ABCA7: variants seen among roughly 807,000 people sequenced by gnomAD.
ABCA7 encodes ATP binding cassette subfamily A member 7, also known as phospholipid-transporting ATPase ABCA7.
A neutral mutation model predicts 227.6 loss-of-function variants in ABCA7; 261 were observed. The ratio of observed to expected loss-of-function variants is 1.15; its 90% CI spans 1.04 to 1.27. The LOEUF (loss-of-function observed/expected upper bound fraction) is 1.27. ABCA7 is among the 50% of genes most tolerant of loss of function. The pLI, the probability that ABCA7 is intolerant of heterozygous loss-of-function variation, is 0.00. For missense variants in ABCA7, 3,331 were observed against 2,924.5 expected (o/e 1.14, Z -3.21); for synonymous variants, 1,488 against 1,279.7 (o/e 1.16, Z -3.47).
intron 35 of ABCA7, 114 bp downstream of exon 35, chr19:1,057,543 G>A (rs1351508215): frequency 1.4e-5 from 15 of 1,071,584 alleles, no homozygotes; most frequent in Non-Finnish European, 2.0e-5. Context: ...ATGGAGGTCT[G>A]AGGTGATGCC....
intron 30 of ABCA7, among the ~76,000 whole-genome samples, chr19:1,055,581 C>T (rs1389058549): frequency 1.4e-5 from 2 of 143,826 alleles, no homozygotes; most frequent in South Asian, 4.3e-4. Flanking sequence ...CAGCTCATTG[C>T]AACCTCCACC....
At chr19:1,044,496 C>T (rs2040404336) in intron 10 of ABCA7, 81 bp from the exon 11 acceptor site, 1 of 1,508,268 alleles carries the variant, frequency 6.6e-7, no homozygotes, top group African/African-American at 1.4e-5. Context: ...GATCCACCCG[C>T]CTCGCCTCCC....
chr19:1,044,529 G>A (rs1284961258), intron 10 of ABCA7, 48 bp from the exon 11 acceptor site: 6 of 1,580,534 alleles, frequency 3.8e-6, no homozygotes, highest in Admixed American at 1.7e-5. Context: ...TTACAGGCAT[G>A]AGCCACTGTG....
chr19:1,053,667 G>C, intron 24 of ABCA7, 121 bp from the exon 25 acceptor site: 1 of 1,521,030 alleles, frequency 6.6e-7, no homozygotes, highest in Non-Finnish European at 9.0e-7. Flanking sequence ...AGGAGCTCTG[G>C]TGGCTCAGAT....
rs1380263663 is a variant in ABCA7 at position 1,046,218 on chromosome 19, C to A, written c.1446-12C>A. 1.2e-6 allele frequency: 2 copies of A among 1,605,074 alleles called. No individual in the cohort carries two copies. Among genetic ancestry groups the A allele is most frequent in the Non-Finnish European group, 1.7e-6 (2 of 1,179,096 alleles). ...CCCTTCCCTACAACCGGCCACCATG[C>A]CCCTCTCGCAGGTTTTGGGACCCTG... On this transcript the variant is annotated splice_polypyrimidine_tract_variant and intron_variant, in intron 12 of 46. Coordinates refer to ENST00000263094, the MANE Select transcript of ABCA7 (RefSeq NM_019112.4).
At position 1,051,231 on chromosome 19, in the gene ABCA7, G is replaced by C; in HGVS notation, c.2761G>C (p.Asp921His). The C allele has an allele frequency of 1.9e-6, 3 of 1,610,720 alleles. No individual in the cohort carries two copies. Among genetic ancestry groups the C allele is most frequent in the Non-Finnish European group, 2.5e-6 (3 of 1,179,678 alleles). The change falls in exon 20 of 47, where the codon GAC (aspartate) becomes CAC (histidine). Residue 921 changes from aspartate (D) to histidine (H), a missense_variant. Coordinates refer to ENST00000263094, the MANE Select transcript of ABCA7 (RefSeq NM_019112.4). ...LSAAVVGPEQ[D>H]RLLQDVGLVS... ...TGCCGCTGTAGTGGGCCCCGAGCAG[G>C]ACCGTCTGCTGCAGGATGTGGGGCT...
At position 1,054,285 on chromosome 19, in the gene ABCA7, C is replaced by T; in HGVS notation, c.3670C>T (p.Leu1224=). 6.2e-7 allele frequency: 1 copy of T among 1,607,770 alleles called. No homozygotes were observed. The highest frequency in any genetic ancestry group is 8.5e-7 in the Non-Finnish European group (1 of 1,179,412). The part of the protein sequence containing the change: ...WALTRQQLQA[L]LLKRFLLARR... ...ACTGACCCGCCAGCAGCTCCAGGCC[C>T]TGCTTCTCAAGCGCTTTCTGCTTGC... is the stretch of plus-strand genomic sequence containing the variant. Residue 1224 remains leucine, a synonymous_variant, in exon 27 of 47, where the codon CTG becomes TTG. Coordinates refer to ENST00000263094, the MANE Select transcript of ABCA7 (RefSeq NM_019112.4). The surrounding 1 kb of genome is among the most constrained non-coding windows in gnomAD (Gnocchi z 4.8).
chr19:1,054,118 C>T lies in ABCA7; in HGVS notation c.3577+8C>T. On this transcript the variant is annotated splice_region_variant and intron_variant, in intron 26 of 46. Coordinates refer to ENST00000263094, the MANE Select transcript of ABCA7 (RefSeq NM_019112.4). This position sits in a 1 kb window ranked among gnomAD's most constrained non-coding sequence, Gnocchi z 4.8. ...TGGAGAACGGGGAACCAGGTAAGTC[C>T]TTCCCAGTGGCCCTGGGGTCCTCCC... The T allele has an allele frequency of 6.2e-7, 1 of 1,613,120 alleles. No homozygotes were observed. The highest frequency in any genetic ancestry group is 8.5e-7 in the Non-Finnish European group (1 of 1,179,922).
At position 1,065,134 on chromosome 19, in the gene ABCA7, T is replaced by C; in HGVS notation, c.6248T>C (p.Val2083Ala). The change falls in exon 46 of 47, where the codon GTG (valine) becomes GCG (alanine). Residue 2083 changes from valine to alanine, a missense_variant. Physicochemically the swap from Val to Ala is moderately conservative, Grantham distance 64. Transcript: ENST00000263094. ...GCGGTGCACGGCGCAGAGCACGGCGTGGAGGACTTTTCCGTGAGCCAGACG... is the reference window on the plus strand; with the variant it reads ...GCGGTGCACGGCGCAGAGCACGGCGCGGAGGACTTTTCCGTGAGCCAGACG... Reference protein sequence around the residue: ...ELAVHGAEHGVEDFSVSQTML... With the variant: ...ELAVHGAEHGAEDFSVSQTML... 2 of 1,591,116 alleles carry C rather than the reference T, an allele frequency of 1.3e-6. No individual in the cohort carries two copies. Among genetic ancestry groups the C allele is most frequent in the Non-Finnish European group, 1.7e-6 (2 of 1,166,922 alleles).
chr19:1,043,909 G>A, intron 10 of ABCA7, 68 bp downstream of exon 10: 2 of 1,378,236 alleles, frequency 1.5e-6, no homozygotes, highest in Non-Finnish European at 2.1e-6. Context: ...CCCGGTGGAT[G>A]GGAAGGTGGG....
intron 10 of ABCA7, among the ~76,000 whole-genome samples, chr19:1,044,145 T>C (rs1267365869): frequency 6.6e-6 from 1 of 151,406 alleles, no homozygotes; most frequent in Non-Finnish European, 1.5e-5. Flanking sequence ...TTTAACCATG[T>C]TAGCCAGGAT....
At position 1,053,784 on chromosome 19, in the gene ABCA7, C is replaced by T. The variant is rs749854349; in HGVS notation, c.3424-4C>T. The T allele has an allele frequency of 1.9e-6, 3 of 1,611,586 alleles. No homozygotes were observed. The South Asian group carries it at 3.3e-5, about 18-fold the overall frequency. ...AGTCTCTGAGCCCCTGCTTGTCTCCCCAGATCTTCCTGAAGGTGGTGGAGG... is the reference window on the plus strand; with the variant it reads ...AGTCTCTGAGCCCCTGCTTGTCTCCTCAGATCTTCCTGAAGGTGGTGGAGG... On this transcript the variant is annotated splice_region_variant and splice_polypyrimidine_tract_variant and intron_variant, in intron 24 of 46. Transcript: ENST00000263094.
intron 16 of ABCA7, among the ~76,000 whole-genome samples, chr19:1,048,278 A>T (rs1171553949): frequency 6.6e-6 from 1 of 150,766 alleles, no homozygotes; most frequent in Non-Finnish European, 1.5e-5. Context: ...CGGGCGGGTC[A>T]TCTGAGGTCG....
rs144378856 is a variant in ABCA7, at chr19:1,062,294, C to T, written c.5693C>T (p.Pro1898Leu). 20 of 1,606,492 alleles carry T rather than the reference C, an allele frequency of 1.2e-5. No homozygotes were observed. In the East Asian group the frequency reaches 2.2e-4, roughly 18 times the overall value. Reference protein sequence around the residue: ...LELLARLRGVPEAQVAQTAGS... With the variant: ...LELLARLRGVLEAQVAQTAGS... The stretch of plus-strand genomic sequence containing the variant: ...CTGCTTGCGCGCCTGCGCGGTGTCC[C>T]GGAGGCCCAGGTTGCCCAGGTGAGC... The change falls in exon 42 of 47, where the codon CCG (proline) becomes CTG (leucine). Residue 1898 changes from proline (P) to leucine (L), a missense_variant. Physicochemically the swap from Pro to Leu is moderately conservative, Grantham distance 98. Transcript: ENST00000263094.
chr19:1,042,913 T>C, intron 7 of ABCA7, 87 bp downstream of exon 7: 1 of 1,509,556 alleles, frequency 6.6e-7, no homozygotes, highest in Non-Finnish European at 8.9e-7. Context: ...GCCCGGGCAC[T>C]TCCCTTGGGT....
chr19:1,051,438 A>C lies in ABCA7; in HGVS notation c.2825-11A>C, dbSNP rs370393300. ...TGTGACACACTGAGGTCCCTTCCCC[A>C]TCTCTACCAGGTGGGATGCAACGGA... On this transcript the variant is annotated splice_polypyrimidine_tract_variant and intron_variant, in intron 20 of 46. Transcript: ENST00000263094. 8.3e-6 allele frequency: 13 copies of C among 1,562,904 alleles called. No homozygotes were observed. Among genetic ancestry groups the C allele is most frequent in the Non-Finnish European group, 1.1e-5 (13 of 1,149,906 alleles).
rs2040143196 is a variant in ABCA7, at chr19:1,042,414, G to C, written c.498+17G>C. ...CTGCGCACGGTAGGGTGTCGGGGCG[G>C]GACCGCGCTGACTTCCTGGGACACT... is the stretch of plus-strand genomic sequence containing the variant. On this transcript the variant is annotated intron_variant, in intron 6 of 46. Transcript: ENST00000263094. The C allele has an allele frequency of 6.2e-7, 1 of 1,610,728 alleles. No individual in the cohort carries two copies. The highest frequency in any genetic ancestry group is 8.5e-7 in the Non-Finnish European group (1 of 1,178,876).
rs983641680 is a variant in ABCA7 at position 1,049,413 on chromosome 19, A to G, written c.2528A>G (p.Asn843Ser). Residue 843 changes from asparagine to serine, a missense_variant, in exon 18 of 47, where the codon AAC (asparagine) becomes AGC (serine). By Grantham distance (46) the Asn-to-Ser change is conservative (BLOSUM62 1). Transcript: ENST00000263094. The part of the protein sequence containing the change: ...QGHITAFLGH[N>S]GAGKTTTLSI... ...CACATCACCGCCTTCCTGGGCCACA[A>G]CGGGGCCGGCAAGACCACCACCCTG... 1.2e-6 allele frequency: 2 copies of G among 1,606,088 alleles called. No homozygotes were observed.
At chr19:1,043,924 G>C (rs1002323342) in intron 10 of ABCA7, 83 bp downstream of exon 10, 1 of 1,144,332 alleles carries the variant, frequency 8.7e-7, no homozygotes. Context: ...GGTGGGCTCC[G>C]TGCAGACCCC....
Sources: allele counts gnomAD v4.1 joint callset (sites outside exome capture counted in the v4.1 genomes callset), GRCh38; gene constraint gnomAD v4.1.1; non-coding constraint Gnocchi (gnomAD v3.1); transcripts MANE v1.5; gene names NCBI Gene and HGNC (gene_info 2026-07-23, HGNC 2026-07-21).